Variants in COX14 observed in about 807,000 individuals in gnomAD.
COX14 encodes cytochrome c oxidase assembly factor COX14.
Under a neutral mutation model 5.8 loss-of-function variants are expected in COX14, and 3 were observed. The observed-to-expected ratio is 0.51, with a 90% CI of 0.23 to 1.33. The LOEUF (loss-of-function observed/expected upper bound fraction) is 1.33. COX14 is among the 40% of genes most tolerant of loss of function. The pLI is 0.18. For synonymous variants in COX14, 25 were observed against 26.1 expected (o/e 0.96, Z 0.13); for missense variants, 72 against 72.1 (o/e 1.00, Z 0.01).
chr12:50,120,287 T>C lies in COX14; in HGVS notation c.*70T>C. ...TGTGGAGAGACTTCACCTGCCACCATTTCCAGGTCAACAGGACTAGAGCGT... is the reference window on the plus strand; with the variant it reads ...TGTGGAGAGACTTCACCTGCCACCACTTCCAGGTCAACAGGACTAGAGCGT... On this transcript the variant is annotated 3_prime_UTR_variant, in exon 2 of 2. Transcript: ENST00000550487. 1.5e-6 allele frequency: 2 copies of C among 1,340,792 alleles called. No individual in the cohort carries two copies. Among genetic ancestry groups the C allele is most frequent in the East Asian group, 4.6e-5 (2 of 43,096 alleles). 83.1% of individuals were successfully genotyped at this position (1,340,792 alleles called of 1,614,324 possible). A position where few individuals can be genotyped will look rare whatever the true frequency, so the allele number is the denominator to read the frequency against.
chr12:50,113,543 T>C (rs2137935001), intron 1 of COX14, among the ~76,000 whole-genome samples: 1 of 151,926 alleles, frequency 6.6e-6, no homozygotes, highest in Admixed American at 6.6e-5. Flanking sequence ...GACCTCGTGA[T>C]CCACCCGCCT....
At position 50,120,141 on chromosome 12, in the gene COX14, G is replaced by T; in HGVS notation, c.98G>T (p.Arg33Leu). 1 of 1,614,128 alleles carries T rather than the reference G, an allele frequency of 6.2e-7. No individual in the cohort carries two copies. ...TVYGGYLCSV[R>L]VYHYFQWRRA... Reference sequence around the variant, plus strand: ...TATGGGGGGTACCTCTGCAGTGTCCGAGTCTACCACTATTTCCAGTGGCGC... The same window carrying T: ...TATGGGGGGTACCTCTGCAGTGTCCTAGTCTACCACTATTTCCAGTGGCGC... Residue 33 changes from arginine to leucine, a missense_variant, in exon 2 of 2, where the codon CGA (arginine) becomes CTA (leucine). Physicochemically the swap from Arg to Leu is moderately radical, Grantham distance 102. Transcript: ENST00000550487.
chr12:50,119,899 C>G (rs991850842), intron 1 of COX14, 137 bp from the exon 2 acceptor site: 2 of 676,074 alleles, frequency 3.0e-6, no homozygotes, highest in Admixed American at 2.7e-5. Context: ...GAGACTTTAC[C>G]TAGACATAGG....
Position 50,120,426 on chromosome 12 carries a change from C to T in COX14, c.*209C>T. 1 of 526,488 alleles carries T rather than the reference C, an allele frequency of 1.9e-6. No homozygotes were observed. The highest frequency in any genetic ancestry group is 5.2e-4 in the Middle Eastern group (1 of 1,934). The allele number at this position is 526,488 out of a possible 1,614,324, so 32.6% of individuals were successfully genotyped here. A position where few individuals can be genotyped will look rare whatever the true frequency, so the allele number is the denominator to read the frequency against. ...ATAGCAATGTGAGGGTGAGGTACACCTACAGACATTAAATAATTTGCTGTG... is the reference window on the plus strand; with the variant it reads ...ATAGCAATGTGAGGGTGAGGTACACTTACAGACATTAAATAATTTGCTGTG... On this transcript the variant is annotated 3_prime_UTR_variant, in exon 2 of 2. Coordinates refer to ENST00000550487, the MANE Select transcript of COX14 (RefSeq NM_032901.4).
intron 1 of COX14, chr12:50,118,500 G>C (rs2137945306): frequency 1.1e-6 from 1 of 882,968 alleles, no homozygotes; most frequent in Non-Finnish European, 1.4e-6. Context: ...CAGGCGCGGT[G>C]GCTCACGCCG....
Position 50,115,217 on chromosome 12 carries a change from A to AT in COX14, c.-9+2931dup, listed in dbSNP as rs879659328. On this transcript the variant is annotated intron_variant, in intron 1 of 1. Transcript: ENST00000550487. ...CCACCATGCCTGGCTGAGCATCTTA[A>AT]TTTTTTTTTTTTTTTGAGACGGAGT... 8.5e-3 allele frequency among the ~76,000 whole-genome samples: 1,123 copies of AT among 132,090 alleles called. 5 individuals are homozygous for AT. The highest frequency in any genetic ancestry group is 0.011 in the Non-Finnish European group (667 of 60,464). The allele number at this position is 132,090 out of a possible 152,430, so 86.7% of individuals were successfully genotyped here.
chr12:50,112,489 C>T (rs1439663749), intron 1 of COX14, 188 bp downstream of exon 1: 4 of 985,696 alleles, frequency 4.1e-6, no homozygotes, highest in Non-Finnish European at 4.8e-6. Flanking sequence ...AAGCTCCTCG[C>T]AGCAGTAGGT....
intron 1 of COX14, among the ~76,000 whole-genome samples, chr12:50,115,456 C>T (rs1422971975): frequency 6.7e-6 from 1 of 150,172 alleles, no homozygotes; most frequent in African/African-American, 2.5e-5. Flanking sequence ...ACCTCGTGAT[C>T]CACCCGCCTT....
At chr12:50,118,766 C>A (rs907739297) in intron 1 of COX14, among the ~76,000 whole-genome samples, 1 of 152,062 alleles carries the variant, frequency 6.6e-6, no homozygotes, top group Non-Finnish European at 1.5e-5. Context: ...GACTCCGTCT[C>A]AAAAAATATA....
chr12:50,114,253 ATT>A (rs1274771005), intron 1 of COX14, among the ~76,000 whole-genome samples: 1 of 142,198 alleles, frequency 7.0e-6, no homozygotes. Flanking sequence ...TGTTTCTGGA[ATT>A]TTTTTTTTTT....
chr12:50,115,553 A>C (rs1592309309), intron 1 of COX14, among the ~76,000 whole-genome samples: 1 of 145,234 alleles, frequency 6.9e-6, no homozygotes. Flanking sequence ...CCAGCTCATG[A>C]TCCTCCTTTT....
chr12:50,113,299 C>G (rs1357410983), intron 1 of COX14, among the ~76,000 whole-genome samples: 4 of 145,570 alleles, frequency 2.7e-5, no homozygotes, highest in Admixed American at 2.2e-4. Flanking sequence ...CATACGTTTA[C>G]GCAATTTTTT....
In COX14 at chr12:50,120,212, A is replaced by G. The variant is rs1186706066; in HGVS notation, c.169A>G (p.Met57Val). ...AGAAGAACAGAAGACCTCAGGAATC[A>G]TGTAGAACTGGGGGGCTTTTTCTCC... The part of the protein sequence containing the change: ...AAEEQKTSGI[M>V] The change falls in exon 2 of 2, where the codon ATG becomes GTG. Residue 57 changes from methionine to valine, a missense_variant. Coordinates refer to ENST00000550487, the MANE Select transcript of COX14 (RefSeq NM_032901.4). The G allele has an allele frequency of 1.2e-6, 2 of 1,613,474 alleles. No homozygotes were observed. The highest frequency in any genetic ancestry group is 1.7e-5 in the Admixed American group (1 of 59,890).
At chr12:50,112,438 G>A (rs1269643705) in intron 1 of COX14, 137 bp downstream of exon 1, 1 of 985,838 alleles carries the variant, frequency 1.0e-6, no homozygotes, top group African/African-American at 1.7e-5. Flanking sequence ...CGCTTCTGTT[G>A]CGTTGCGGAC....
intron 1 of COX14, among the ~76,000 whole-genome samples, chr12:50,114,351 G>A (rs1227234211): frequency 6.6e-6 from 1 of 150,570 alleles, no homozygotes; most frequent in Non-Finnish European, 1.5e-5. Flanking sequence ...CTGGATTCAA[G>A]CGATTCTCCT....
At chr12:50,112,856 C>T (rs990003184) in intron 1 of COX14, 1 of 151,920 alleles carries the variant, frequency 6.6e-6, no homozygotes, top group Non-Finnish European at 1.5e-5. Context: ...ACCATAAGCT[C>T]CTGTATGACA....
At chr12:50,113,408 A>G (rs558203444) in intron 1 of COX14, among the ~76,000 whole-genome samples, 30 of 144,024 alleles carry the variant, frequency 2.1e-4, no homozygotes, top group Admixed American at 1.3e-3. Flanking sequence ...GGTTCATGCC[A>G]TTCTCCTGCC....
chr12:50,117,790 G>A (rs1355440587), intron 1 of COX14, among the ~76,000 whole-genome samples: 1 of 148,012 alleles, frequency 6.8e-6, no homozygotes, highest in Non-Finnish European at 1.5e-5. Context: ...CTGTCACCAG[G>A]CTGGAGTGCA....
At chr12:50,118,213 C>A (rs1474609183) in intron 1 of COX14, among the ~76,000 whole-genome samples, 3 of 150,022 alleles carry the variant, frequency 2.0e-5, no homozygotes, top group Non-Finnish European at 4.4e-5. Flanking sequence ...CGCCCAGCTA[C>A]TTTTTGTATT....
Sources: allele counts gnomAD v4.1 joint callset (sites outside exome capture counted in the v4.1 genomes callset), GRCh38; gene constraint gnomAD v4.1.1; transcripts MANE v1.5; gene names NCBI Gene and HGNC (gene_info 2026-07-23, HGNC 2026-07-21).